The following SLC2A13 variants were observed in gnomAD, a reference collection of about 807,000 sequenced individuals.
SLC2A13 encodes proton myo-inositol cotransporter.
SLC2A13 carries 32 observed loss-of-function variants against 64.4 expected under a neutral mutation model. The observed-to-expected ratio is 0.50, with a 90% CI of 0.37 to 0.67. SLC2A13 has a LOEUF of 0.67. SLC2A13 is among the 30% of genes least tolerant of loss of function. The probability of loss-of-function intolerance (pLI) is 0.00; values close to 1 mark genes in which losing one functional copy is unlikely to be tolerated. For synonymous variants in SLC2A13, 338 were observed against 327.1 expected (o/e 1.03, Z -0.36); for missense variants, 743 against 829.2 (o/e 0.90, Z 1.28).
At chr12:39,940,709 A>G (rs1186310511) in intron 4 of SLC2A13, among the ~76,000 whole-genome samples, 1 of 151,922 alleles carries the variant, frequency 6.6e-6, no homozygotes, top group Non-Finnish European at 1.5e-5. Flanking sequence ...AACTTATAAT[A>G]TTTTATTTAT....
chr12:39,764,907 T>G, intron 7 of SLC2A13, 49 bp from the exon 8 acceptor site: 1 of 1,580,660 alleles, frequency 6.3e-7, no homozygotes, highest in Non-Finnish European at 8.6e-7. Context: ...TTGACTACAG[T>G]TGCAGAAATT....
chr12:39,911,792 A>G lies in SLC2A13; in HGVS notation c.1034+39465T>C, dbSNP rs1220967866. ...CCTTTAGCTGGAAATTCAATGAGCC[A>G]AAGACGGTGGGGGTATGTCTAAAAA... On this transcript the variant is annotated intron_variant, in intron 4 of 9. Coordinates refer to ENST00000280871, the MANE Select transcript of SLC2A13 (RefSeq NM_052885.4). Among the ~76,000 whole-genome samples, 9 of 152,106 alleles carry G rather than the reference A, an allele frequency of 5.9e-5. 1 individual carries two copies. The highest frequency in any genetic ancestry group is 5.9e-4 in the Admixed American group (9 of 15,266).
At chr12:39,897,401 C>T (rs920007566) in intron 4 of SLC2A13, among the ~76,000 whole-genome samples, 2 of 152,164 alleles carry the variant, frequency 1.3e-5, no homozygotes, top group African/African-American at 4.8e-5. Flanking sequence ...CAACTGCCTA[C>T]CCCAAGCATG....
chr12:40,097,373 T>C (rs1592081303), intron 1 of SLC2A13, among the ~76,000 whole-genome samples: 3 of 152,202 alleles, frequency 2.0e-5, no homozygotes. Context: ...CAAAAACAAA[T>C]AGGACTACAT....
At chr12:40,071,303 G>A (rs189920151) in intron 1 of SLC2A13, among the ~76,000 whole-genome samples, 9 of 152,242 alleles carry the variant, frequency 5.9e-5, no homozygotes, top group African/African-American at 1.9e-4. Flanking sequence ...TTGATATGAT[G>A]TGATTATTTA....
intron 3 of SLC2A13, among the ~76,000 whole-genome samples, chr12:39,966,755 G>A (rs1185474748): frequency 6.6e-6 from 1 of 152,088 alleles, no homozygotes; most frequent in East Asian, 1.9e-4. Context: ...TAAGGACTGG[G>A]CAAGGAGAAT....
At chr12:39,868,542 T>A (rs1012248132) in intron 5 of SLC2A13, among the ~76,000 whole-genome samples, 3 of 152,174 alleles carry the variant, frequency 2.0e-5, no homozygotes, top group Non-Finnish European at 2.9e-5. Context: ...TAGATCTGGG[T>A]TAAGGCCCAA....
At chr12:39,807,141 T>C (rs114188600) in intron 7 of SLC2A13, among the ~76,000 whole-genome samples, 3 of 148,672 alleles carry the variant, frequency 2.0e-5, no homozygotes, top group African/African-American at 5.2e-5. Context: ...CTGAAAGTAA[T>C]TGCAAAAACC....
chr12:39,918,936 G>A (rs545544671), intron 4 of SLC2A13, among the ~76,000 whole-genome samples: 5,432 of 147,092 alleles, frequency 0.037, 216 homozygotes, highest in Admixed American at 0.12. Context: ...GGTTATACAC[G>A]CGCACACACA....
intron 3 of SLC2A13, among the ~76,000 whole-genome samples, chr12:40,002,705 A>G (rs1053782647): frequency 6.6e-6 from 1 of 152,202 alleles, no homozygotes; most frequent in East Asian, 1.9e-4. Flanking sequence ...GAAGGGTTCA[A>G]AGTCCACTGA....
intron 1 of SLC2A13, among the ~76,000 whole-genome samples, chr12:40,079,175 G>A (rs1938296582): frequency 6.6e-6 from 1 of 151,990 alleles, no homozygotes; most frequent in Admixed American, 6.6e-5. Context: ...TTTAGGGTTG[G>A]CTCCCTCTTG....
At chr12:39,913,583 A>G (rs1165445363) in intron 4 of SLC2A13, among the ~76,000 whole-genome samples, 1 of 151,954 alleles carries the variant, frequency 6.6e-6, no homozygotes, top group Non-Finnish European at 1.5e-5. Context: ...TGGACAAAAA[A>G]TACATAAGTA....
intron 3 of SLC2A13, among the ~76,000 whole-genome samples, chr12:40,000,949 G>A (rs1751417341): frequency 6.6e-6 from 1 of 152,158 alleles, no homozygotes; most frequent in South Asian, 2.1e-4. Flanking sequence ...CGGCCAATGA[G>A]TGCCACACAC....
Position 39,951,341 on chromosome 12 carries a change from A to G in SLC2A13, c.950T>C (p.Leu317Pro). The G allele has an allele frequency of 6.2e-7, 1 of 1,604,514 alleles. No homozygotes were observed. The change falls in exon 4 of 10, where the codon CTG becomes CCG. Residue 317 changes from leucine (L) to proline (P), a missense_variant. This residue lies in a region of SLC2A13 where 448 missense variants were observed against 447.4 expected (regional missense o/e 1.00). Transcript: ENST00000280871. ...AGCTCGGCGAGTTGGGGGATAACTC[A>G]GCATTCTGCAGATCACAGGTCCAGC... ...GSAGPVICRM[L>P]SYPPTRRALI...
intron 2 of SLC2A13, among the ~76,000 whole-genome samples, chr12:40,029,391 G>C (rs1325946785): frequency 6.6e-6 from 1 of 152,118 alleles, no homozygotes; most frequent in Admixed American, 6.6e-5. Flanking sequence ...TACGATACCT[G>C]AATGTTTTCT....
chr12:39,906,165 G>T (rs1945274371), intron 4 of SLC2A13, among the ~76,000 whole-genome samples: 1 of 152,000 alleles, frequency 6.6e-6, no homozygotes, highest in African/African-American at 2.4e-5. Context: ...GTTCATCTTA[G>T]CACAGCTTCC....
Position 40,105,966 on chromosome 12 carries a change from C to A in SLC2A13, c.-158G>T, listed in dbSNP as rs540886340. The A allele has an allele frequency of 9.7e-5, 89 of 916,792 alleles. 1 individual carries two copies. The African/African-American group carries it at 1.2e-3, about 13-fold the overall frequency. 56.8% of individuals were successfully genotyped at this position (916,792 alleles called of 1,614,324 possible). A position where few individuals can be genotyped will look rare whatever the true frequency, so the allele number is the denominator to read the frequency against. ...GCCACGGCAGCAGCCGCCGCCACGG[C>A]CGCTCCGGGGAGAAAGTTGCTGCCC... On this transcript the variant is annotated 5_prime_UTR_variant, in exon 1 of 10. Coordinates refer to ENST00000280871, the MANE Select transcript of SLC2A13 (RefSeq NM_052885.4). This position sits in a 1 kb window ranked among gnomAD's most constrained non-coding sequence, Gnocchi z 4.2.
chr12:39,845,487 C>T (rs571338623), intron 6 of SLC2A13, among the ~76,000 whole-genome samples: 1 of 152,194 alleles, frequency 6.6e-6, no homozygotes, highest in South Asian at 2.1e-4. Context: ...CAGTGCTTTC[C>T]TTCTCAGTTC....
At chr12:39,997,139 T>A (rs1196037658) in intron 3 of SLC2A13, among the ~76,000 whole-genome samples, 1 of 152,114 alleles carries the variant, frequency 6.6e-6, no homozygotes, top group Non-Finnish European at 1.5e-5. Flanking sequence ...CAAACTATAC[T>A]AGAAGACCAC....
Sources: allele counts gnomAD v4.1 joint callset (sites outside exome capture counted in the v4.1 genomes callset), GRCh38; gene constraint gnomAD v4.1.1; regional missense constraint gnomAD v4.1.1; non-coding constraint Gnocchi (gnomAD v3.1); transcripts MANE v1.5; gene names NCBI Gene and HGNC (gene_info 2026-07-23, HGNC 2026-07-21).